The following SGIP1 variants were observed in gnomAD, a reference collection of about 807,000 sequenced individuals.
The protein encoded by SGIP1 is SH3GL interacting endocytic adaptor 1, also known as SH3-containing GRB2-like protein 3-interacting protein 1.
A neutral mutation model predicts 107.5 loss-of-function variants in SGIP1; 38 were observed. The observed-to-expected ratio is 0.35, with a 90% CI of 0.27 to 0.46. The LOEUF (loss-of-function observed/expected upper bound fraction) is 0.46. Among genes scored for constraint, SGIP1 ranks in the 20% least tolerant of loss-of-function variants. SGIP1 has a pLI of 1.00. For synonymous variants in SGIP1, 365 were observed against 366.1 expected (o/e 1.00, Z 0.03); for missense variants, 929 against 1,019.5 (o/e 0.91, Z 1.21).
At chr1:66,574,129 C>A (rs2060743522) in intron 1 of SGIP1, among the ~76,000 whole-genome samples, 1 of 152,080 alleles carries the variant, frequency 6.6e-6, no homozygotes, top group African/African-American at 2.4e-5. Context: ...TTCAGAAACC[C>A]AGGTTCTTTC....
intron 1 of SGIP1, among the ~76,000 whole-genome samples, chr1:66,616,449 G>A (rs17129183): frequency 0.012 from 1,835 of 152,196 alleles, 39 homozygotes; most frequent in African/African-American, 0.042. Flanking sequence ...TTTAGGTGTC[G>A]TACTGGGTTT....
At chr1:66,677,674 T>G (rs1365061409) in intron 13 of SGIP1, among the ~76,000 whole-genome samples, 1 of 152,184 alleles carries the variant, frequency 6.6e-6, no homozygotes, top group Non-Finnish European at 1.5e-5. Flanking sequence ...GTCCTGAAGA[T>G]CCAGATAGCC....
chr1:66,658,931 G>A (rs2080321616), intron 7 of SGIP1, among the ~76,000 whole-genome samples: 1 of 152,112 alleles, frequency 6.6e-6, no homozygotes, highest in Non-Finnish European at 1.5e-5. Context: ...TTTGATTGGG[G>A]GAGAGGGAGA....
At chr1:66,692,693 C>T (rs994740245) in intron 17 of SGIP1, among the ~76,000 whole-genome samples, 6 of 152,190 alleles carry the variant, frequency 3.9e-5, no homozygotes, top group Non-Finnish European at 7.3e-5. Flanking sequence ...ACATTTCCCT[C>T]CCACTGCAAT....
Position 66,619,380 on chromosome 1 carries a change from G to C in SGIP1, c.11-6467G>C, listed in dbSNP as rs1558091062. On this transcript the variant is annotated intron_variant, in intron 1 of 24. Coordinates refer to ENST00000371037, the MANE Select transcript of SGIP1 (RefSeq NM_032291.4). The stretch of plus-strand genomic sequence containing the variant: ...AGTAAGGAAGGTGGGTAAAAAAGAA[G>C]TGCTTTCAAAGACGGAACGCCCTCT... Among the ~76,000 whole-genome samples the C allele has an allele frequency of 9.9e-5, 15 of 152,262 alleles. No individual in the cohort carries two copies. In the South Asian group the frequency reaches 3.1e-3, roughly 31 times the overall value.
At position 66,739,332 on chromosome 1, in the gene SGIP1, A is replaced by G. The variant is rs1184558564; in HGVS notation, c.2032-3A>G. 2.5e-6 allele frequency: 4 copies of G among 1,613,650 alleles called. No individual in the cohort carries two copies. The highest frequency in any genetic ancestry group is 3.4e-6 in the Non-Finnish European group (4 of 1,179,832). Reference sequence around the variant, plus strand: ...GTTATTTTCTTTCCTGTCGTTCGGCAAGGTGTCTGCCCAGGGCATTCAGTC... The same window carrying G: ...GTTATTTTCTTTCCTGTCGTTCGGCGAGGTGTCTGCCCAGGGCATTCAGTC... On this transcript the variant is annotated splice_region_variant and splice_polypyrimidine_tract_variant and intron_variant, in intron 21 of 24. Coordinates refer to ENST00000371037, the MANE Select transcript of SGIP1 (RefSeq NM_032291.4).
At chr1:66,570,545 A>C (rs2060244268) in intron 1 of SGIP1, among the ~76,000 whole-genome samples, 1 of 151,924 alleles carries the variant, frequency 6.6e-6, no homozygotes, top group African/African-American at 2.4e-5. Context: ...ATCTTTGTTA[A>C]TAGTGTGATA....
rs1416146321 is a variant in SGIP1 at position 66,633,057 on chromosome 1, C to T, written c.75-13C>T. 3 of 1,507,534 alleles carry T rather than the reference C, an allele frequency of 2.0e-6. No individual in the cohort carries two copies. Among genetic ancestry groups the T allele is most frequent in the African/African-American group, 2.8e-5 (2 of 72,660 alleles). 93.4% of individuals were successfully genotyped at this position (1,507,534 alleles called of 1,614,324 possible). On this transcript the variant is annotated splice_polypyrimidine_tract_variant and intron_variant, in intron 2 of 24. Transcript: ENST00000371037. ...TCCTTATCATAATAGCTATCAATTT[C>T]TTTTTGTTACAGAGGTTCACCAGAT...
intron 1 of SGIP1, among the ~76,000 whole-genome samples, chr1:66,624,829 A>G (rs2072196200): frequency 6.6e-6 from 1 of 152,104 alleles, no homozygotes; most frequent in South Asian, 2.1e-4. Context: ...ACAGAAGCAC[A>G]AGGCATGTCT....
intron 4 of SGIP1, among the ~76,000 whole-genome samples, chr1:66,636,229 G>C (rs1426297944): frequency 6.6e-6 from 1 of 152,166 alleles, no homozygotes; most frequent in Non-Finnish European, 1.5e-5. Flanking sequence ...CTTTTAAAGA[G>C]TGATCACACA....
chr1:66,740,854 T>C (rs1431339405), intron 23 of SGIP1, 132 bp downstream of exon 23: 2 of 632,400 alleles, frequency 3.2e-6, no homozygotes, highest in Non-Finnish European at 5.5e-6. Context: ...CGTTTACTTA[T>C]TTCAATTAAT....
rs77261676 is a variant in SGIP1, at chr1:66,603,268, G to T, written c.11-22579G>T. Among the ~76,000 whole-genome samples the T allele has an allele frequency of 4.7e-3, 722 of 152,186 alleles. 3 individuals are homozygous for T. Among genetic ancestry groups the T allele is most frequent in the Middle Eastern group, 0.01 (3 of 292 alleles). ...TCTTTCATGGTGCTTATCAAGTAGA[G>T]ATTTTTATTTAATAAGCATTAGATG... is the stretch of plus-strand genomic sequence containing the variant. On this transcript the variant is annotated intron_variant, in intron 1 of 24. Coordinates refer to ENST00000371037, the MANE Select transcript of SGIP1 (RefSeq NM_032291.4).
intron 7 of SGIP1, among the ~76,000 whole-genome samples, chr1:66,651,248 G>A (rs2078694157): frequency 6.6e-6 from 1 of 152,156 alleles, no homozygotes; most frequent in Admixed American, 6.5e-5. Flanking sequence ...CTGTGAACAC[G>A]AGTGCTGTGT....
intron 18 of SGIP1, among the ~76,000 whole-genome samples, chr1:66,697,695 G>T (rs146479972): frequency 6.6e-6 from 1 of 152,128 alleles, no homozygotes; most frequent in Admixed American, 6.5e-5. Context: ...ATGTATGTAC[G>T]CTAGACTCGG....
At chr1:66,601,774 C>CT (rs921894048) in intron 1 of SGIP1, among the ~76,000 whole-genome samples, 67 of 152,228 alleles carry the variant, frequency 4.4e-4, no homozygotes, top group East Asian at 7.7e-4. Context: ...AGGAGCCCTA[C>CT]TTTTTTTACC....
chr1:66,736,745 A>T (rs1449480783), intron 21 of SGIP1, among the ~76,000 whole-genome samples: 1 of 151,596 alleles, frequency 6.6e-6, no homozygotes, highest in East Asian at 1.9e-4. Flanking sequence ...ATACTTTTTA[A>T]ATTTTATTTA....
chr1:66,677,122 G>GAAAAAAAAAA, intron 13 of SGIP1, 26 bp downstream of exon 13: 1 of 1,576,764 alleles, frequency 6.3e-7, no homozygotes, highest in Admixed American at 1.7e-5. Flanking sequence ...GCTCTGTCTG[G>GAAAAAAAAAA]AAAAATAAGT....
chr1:66,540,124 A>G (rs10889624), intron 1 of SGIP1, among the ~76,000 whole-genome samples: 104,417 of 152,082 alleles, frequency 0.69, 36,406 homozygotes, highest in East Asian at 1. Flanking sequence ...ATGCTCAAAT[A>G]TGTATTCTCA....
chr1:66,661,252 T>C (rs2081411302), intron 8 of SGIP1, among the ~76,000 whole-genome samples: 1 of 152,228 alleles, frequency 6.6e-6, no homozygotes, highest in Admixed American at 6.5e-5. Flanking sequence ...GATGCATGGC[T>C]GACAGAGGTG....
Sources: gnomAD v4.1 joint callset for allele counts (sites outside exome capture counted in the v4.1 genomes callset) on GRCh38, gnomAD v4.1.1 for gene constraint, MANE v1.5 for transcripts, NCBI Gene and HGNC (gene_info 2026-07-23, HGNC 2026-07-21) for gene names.